SGCZ: variants seen among roughly 807,000 people sequenced by gnomAD.
SGCZ encodes the protein zeta-sarcoglycan.
A neutral mutation model predicts 41.3 loss-of-function variants in SGCZ; 40 were observed. The observed-to-expected ratio is 0.97, with a 90% CI of 0.75 to 1.26. SGCZ has a LOEUF of 1.26. Among genes scored for constraint, SGCZ ranks in the 50% most tolerant of loss-of-function variants. The pLI, the probability that SGCZ is intolerant of heterozygous loss-of-function variation, is 0.00. For synonymous variants in SGCZ, 206 were observed against 137.5 expected (o/e 1.50, Z -3.49); for missense variants, 552 against 369.8 (o/e 1.49, Z -4.04).
At position 14,345,389 on chromosome 8, in the gene SGCZ, A is replaced by G. The variant is rs1316254654; in HGVS notation, c.235-21185T>C. 2.6e-5 allele frequency among the ~76,000 whole-genome samples: 4 copies of G among 152,132 alleles called. No homozygotes were observed. The East Asian group carries it at 7.7e-4, about 29-fold the overall frequency. Reference sequence around the variant, plus strand: ...TTATGCTAAATTCTGGGATATATGTATGTCCTCTGACCTAGAATTCAAGTC... The same window carrying G: ...TTATGCTAAATTCTGGGATATATGTGTGTCCTCTGACCTAGAATTCAAGTC... On this transcript the variant is annotated intron_variant, in intron 2 of 7. Coordinates refer to ENST00000382080, the MANE Select transcript of SGCZ (RefSeq NM_139167.4).
At chr8:14,319,763 A>C (rs966850698) in intron 3 of SGCZ, among the ~76,000 whole-genome samples, 14 of 152,128 alleles carry the variant, frequency 9.2e-5, no homozygotes, top group African/African-American at 3.1e-4. Context: ...AATTATCAAC[A>C]AACTGGAAAT....
intron 4 of SGCZ, among the ~76,000 whole-genome samples, chr8:14,186,966 C>A (rs7828061): frequency 0.44 from 66,745 of 151,818 alleles, 15,649 homozygotes; most frequent in South Asian, 0.69. Context: ...GTCCATGGAG[C>A]AATTCATGCC....
At chr8:14,583,120 C>G (rs957994363) in intron 1 of SGCZ, among the ~76,000 whole-genome samples, 2 of 150,046 alleles carry the variant, frequency 1.3e-5, no homozygotes, top group Admixed American at 1.3e-4. Context: ...TTTACAGTCC[C>G]ACCAACAGTG....
intron 2 of SGCZ, among the ~76,000 whole-genome samples, chr8:14,486,017 A>G (rs1382061630): frequency 6.6e-6 from 1 of 151,858 alleles, no homozygotes; most frequent in African/African-American, 2.4e-5. Flanking sequence ...AATTTTTTGT[A>G]TTTTTAGTAG....
intron 1 of SGCZ, among the ~76,000 whole-genome samples, chr8:14,980,651 G>A (rs1801629177): frequency 6.6e-6 from 1 of 152,132 alleles, no homozygotes. Context: ...TGCAGAAGCG[G>A]AAACCCCTGA....
chr8:15,070,699 G>A (rs1203089978), intron 1 of SGCZ, among the ~76,000 whole-genome samples: 1 of 152,158 alleles, frequency 6.6e-6, no homozygotes, highest in Non-Finnish European at 1.5e-5. Context: ...GTGATATTTA[G>A]ATTTAACATT....
At chr8:14,297,604 A>G (rs181953974) in intron 3 of SGCZ, among the ~76,000 whole-genome samples, 100 of 152,116 alleles carry the variant, frequency 6.6e-4, no homozygotes, top group Non-Finnish European at 1.1e-3. Flanking sequence ...AAATAATAGG[A>G]GATATTATAA....
chr8:14,537,517 G>A (rs1585058872), intron 2 of SGCZ, among the ~76,000 whole-genome samples: 2 of 151,586 alleles, frequency 1.3e-5, no homozygotes, highest in African/African-American at 4.8e-5. Flanking sequence ...GGAAGTTTGA[G>A]AACCCTAGTA....
chr8:14,644,956 A>G (rs1394044660), intron 1 of SGCZ, among the ~76,000 whole-genome samples: 2 of 151,048 alleles, frequency 1.3e-5, no homozygotes, highest in African/African-American at 4.9e-5. Context: ...ATAAATAAAA[A>G]AAAAAAGTCT....
intron 1 of SGCZ, among the ~76,000 whole-genome samples, chr8:14,924,543 A>T (rs1799686717): frequency 6.6e-6 from 1 of 152,206 alleles, no homozygotes; most frequent in Admixed American, 6.5e-5. Flanking sequence ...AGTACAAAAA[A>T]AAAAGCACGC....
At chr8:14,165,379 C>T (rs189551561) in intron 4 of SGCZ, 1 of 152,224 alleles carries the variant, frequency 6.6e-6, no homozygotes, top group East Asian at 1.9e-4. Flanking sequence ...GCCAATTCTA[C>T]ACACTGATCT....
intron 2 of SGCZ, among the ~76,000 whole-genome samples, chr8:14,366,844 C>G (rs79273436): frequency 0.015 from 2,220 of 152,162 alleles, 54 homozygotes; most frequent in African/African-American, 0.05. Context: ...GGCACAAAAC[C>G]TTTTTTCCCT....
rs150285025 is a variant in SGCZ at position 14,103,342 on chromosome 8, A to G, written c.621-843T>C. ...AAAAAGTGCTAGGATGAGAAGAGGT[A>G]GGATCCATGCACTGGTCTTTTTAGA... On this transcript the variant is annotated intron_variant, in intron 6 of 7. Coordinates refer to ENST00000382080, the MANE Select transcript of SGCZ (RefSeq NM_139167.4). Among the ~76,000 whole-genome samples the G allele has an allele frequency of 1.8e-3, 279 of 152,308 alleles. 1 individual carries two copies. Among genetic ancestry groups the G allele is most frequent in the Non-Finnish European group, 3.5e-3 (240 of 68,032 alleles).
intron 4 of SGCZ, among the ~76,000 whole-genome samples, chr8:14,217,072 G>A (rs1026142111): frequency 1.3e-5 from 2 of 152,096 alleles, no homozygotes; most frequent in African/African-American, 4.8e-5. Flanking sequence ...TGGATCACGA[G>A]GTCAGGGGAT....
intron 2 of SGCZ, among the ~76,000 whole-genome samples, chr8:14,433,253 A>T (rs1799997110): frequency 6.6e-6 from 1 of 152,198 alleles, no homozygotes; most frequent in Non-Finnish European, 1.5e-5. Flanking sequence ...CAATCTGAAT[A>T]AAGATAACAT....
intron 2 of SGCZ, among the ~76,000 whole-genome samples, chr8:14,325,474 T>C (rs1802059257): frequency 1.4e-5 from 2 of 147,738 alleles, no homozygotes; most frequent in Admixed American, 1.4e-4. Context: ...TATATATATA[T>C]AAAATCATAT....
intron 2 of SGCZ, among the ~76,000 whole-genome samples, chr8:14,504,758 T>C (rs1435151004): frequency 6.6e-6 from 1 of 152,212 alleles, no homozygotes; most frequent in Non-Finnish European, 1.5e-5. Context: ...TGCTTTCTTC[T>C]GGAAGAGGTC....
chr8:14,486,377 C>A (rs1218628365), intron 2 of SGCZ, among the ~76,000 whole-genome samples: 1 of 152,138 alleles, frequency 6.6e-6, no homozygotes, highest in East Asian at 1.9e-4. Flanking sequence ...CCATGGATCC[C>A]TCAACTACTC....
chr8:14,217,189 G>T (rs970561778), intron 4 of SGCZ, among the ~76,000 whole-genome samples: 2 of 149,486 alleles, frequency 1.3e-5, no homozygotes, highest in Non-Finnish European at 3.0e-5. Flanking sequence ...CTAGCTATTT[G>T]GGAGGCTGAG....
Sources: allele counts gnomAD v4.1 joint callset (sites outside exome capture counted in the v4.1 genomes callset), GRCh38; gene constraint gnomAD v4.1.1; transcripts MANE v1.5; gene names NCBI Gene and HGNC (gene_info 2026-07-23, HGNC 2026-07-21).